The following ACSM3 variants were observed in gnomAD, a reference collection of about 807,000 sequenced individuals.
ACSM3 encodes acyl-CoA synthetase medium chain family member 3.
In ACSM3, 61 loss-of-function variants were observed where a neutral mutation model predicts 74.1. The observed-to-expected ratio is 0.82, with a 90% CI of 0.67 to 1.02. The LOEUF (loss-of-function observed/expected upper bound fraction) is 1.02, where lower values mean the gene tolerates loss of function less well. Among genes scored for constraint, ACSM3 ranks in the 50% least tolerant of loss-of-function variants. The probability of loss-of-function intolerance (pLI) is 0.00; values close to 1 mark genes in which losing one functional copy is unlikely to be tolerated. For synonymous variants in ACSM3, 213 were observed against 241.5 expected (o/e 0.88, Z 1.09); for missense variants, 660 against 697.0 (o/e 0.95, Z 0.60).
chr16:20,793,977 C>T (rs958135860), intron 12 of ACSM3, among the ~76,000 whole-genome samples: 2 of 152,122 alleles, frequency 1.3e-5, no homozygotes, highest in Admixed American at 6.5e-5. Flanking sequence ...CTCACAGCTC[C>T]GGGGGCTTGG....
chr16:20,689,104 G>A (rs948682600), intron 1 of ACSM3, among the ~76,000 whole-genome samples: 33 of 150,974 alleles, frequency 2.2e-4, no homozygotes, highest in Non-Finnish European at 1.5e-5. Context: ...CATAAAGTGT[G>A]GGGAGGGGCT....
intron 1 of ACSM3, among the ~76,000 whole-genome samples, chr16:20,744,211 G>A (rs1288503823): frequency 6.6e-6 from 1 of 152,126 alleles, no homozygotes; most frequent in Non-Finnish European, 1.5e-5. Flanking sequence ...CTTCTTCCAA[G>A]GAAGCCAAAA....
At chr16:20,714,635 G>C (rs1261057687) in intron 1 of ACSM3, among the ~76,000 whole-genome samples, 1 of 152,172 alleles carries the variant, frequency 6.6e-6, no homozygotes, top group East Asian at 1.9e-4. Context: ...AAGGAAGAAA[G>C]AGTCAAGGTT....
At chr16:20,724,049 A>C (rs1293900697) in intron 1 of ACSM3, among the ~76,000 whole-genome samples, 3 of 152,144 alleles carry the variant, frequency 2.0e-5, no homozygotes, top group Non-Finnish European at 4.4e-5. Context: ...TCTCGAATTA[A>C]TTTTTGTATA....
At chr16:20,682,484 G>A (rs763544627) in intron 1 of ACSM3, 2 of 1,600,246 alleles carry the variant, frequency 1.2e-6, no homozygotes, top group South Asian at 1.1e-5. Context: ...GAAAGGAACT[G>A]ATTGTTTTGG....
chr16:20,797,269 A>G lies in ACSM3; in HGVS notation c.*297A>G, dbSNP rs56186329. 4,918 of 1,063,284 alleles carry G rather than the reference A, an allele frequency of 4.6e-3. 13 individuals are homozygous for G. The highest frequency in any genetic ancestry group is 5.1e-3 in the Non-Finnish European group (4,545 of 883,686). 65.9% of individuals were successfully genotyped at this position (1,063,284 alleles called of 1,614,324 possible). On this transcript the variant is annotated 3_prime_UTR_variant, in exon 14 of 14. Transcript: ENST00000289416. ...AGTTTCTGAACCAGATCTCTGCTAC[A>G]TAGGTTTTCAAACTTTAGTTGACTA...
intron 1 of ACSM3, among the ~76,000 whole-genome samples, chr16:20,742,800 T>A (rs2079938833): frequency 1.8e-5 from 1 of 55,206 alleles, no homozygotes; most frequent in East Asian, 3.9e-4. Context: ...TAAATATATA[T>A]ATATATATAT....
chr16:20,749,776 A>G (rs2079975630), intron 1 of ACSM3: 1 of 152,338 alleles, frequency 6.6e-6, no homozygotes, highest in African/African-American at 2.4e-5. Context: ...CAGAGGATGA[A>G]AGTCACACCC....
chr16:20,738,884 G>GT, intron 1 of ACSM3: 1 of 1,613,216 alleles, frequency 6.2e-7, no homozygotes, highest in Non-Finnish European at 8.5e-7. Context: ...ATCTTAGCAA[G>GT]TATTTGTCAC....
intron 1 of ACSM3, among the ~76,000 whole-genome samples, chr16:20,707,625 T>C (rs1567320747): frequency 6.6e-6 from 1 of 152,178 alleles, no homozygotes; most frequent in Non-Finnish European, 1.5e-5. Flanking sequence ...GTGGACTCCA[T>C]TGTGGACCCA....
intron 12 of ACSM3, among the ~76,000 whole-genome samples, chr16:20,793,428 C>G (rs1235035025): frequency 2.0e-5 from 3 of 152,174 alleles, no homozygotes; most frequent in Non-Finnish European, 4.4e-5. Context: ...AAGATCGTGC[C>G]ACTGTGCTCC....
intron 1 of ACSM3, chr16:20,735,521 T>G (rs1178741200): frequency 6.6e-6 from 1 of 151,726 alleles, no homozygotes; most frequent in Non-Finnish European, 1.5e-5. Flanking sequence ...AATGTCAACA[T>G]CAGGATTTCT....
intron 1 of ACSM3, among the ~76,000 whole-genome samples, chr16:20,769,568 C>A (rs1300923176): frequency 6.6e-6 from 1 of 152,220 alleles, no homozygotes. Flanking sequence ...ACTTTGAAAT[C>A]TGCAGGTGAA....
chr16:20,737,331 A>G, intron 1 of ACSM3: 1 of 1,537,098 alleles, frequency 6.5e-7, no homozygotes, highest in Non-Finnish European at 8.7e-7. Flanking sequence ...GGATACCATT[A>G]CATCTGATAG....
At chr16:20,740,919 G>A (rs746540491) in intron 1 of ACSM3, among the ~76,000 whole-genome samples, 1 of 152,318 alleles carries the variant, frequency 6.6e-6, no homozygotes, top group South Asian at 2.1e-4. Flanking sequence ...CATGAAAAAT[G>A]TGTTTCTGAA....
intron 2 of ACSM3, chr16:20,755,481 AAAT>A (rs1164740972): frequency 3.3e-5 from 5 of 152,106 alleles, no homozygotes; most frequent in Non-Finnish European, 5.9e-5. Context: ...AACTAAATGA[AAAT>A]AAATATTAGA....
At chr16:20,741,342 GC>G in intron 1 of ACSM3, among the ~76,000 whole-genome samples, 1 of 152,368 alleles carries the variant, frequency 6.6e-6, no homozygotes, top group Non-Finnish European at 1.5e-5. Context: ...ACCGAAGTCT[GC>G]GAGCGTCTCA....
intron 2 of ACSM3, 53 bp from the exon 3 acceptor site, chr16:20,775,786 G>T: frequency 6.3e-7 from 1 of 1,580,526 alleles, no homozygotes; most frequent in Non-Finnish European, 8.7e-7. Flanking sequence ...AGTTGGCCCA[G>T]AATTTAGCTG....
chr16:20,756,351 T>C (rs956478018), intron 3 of ACSM3, among the ~76,000 whole-genome samples: 1 of 152,028 alleles, frequency 6.6e-6, no homozygotes, highest in African/African-American at 2.4e-5. Flanking sequence ...TGGTATCTCA[T>C]TGTGGTTTTG....
Sources: allele counts gnomAD v4.1 joint callset (sites outside exome capture counted in the v4.1 genomes callset), GRCh38; gene constraint gnomAD v4.1.1; transcripts MANE v1.5; gene names NCBI Gene and HGNC (gene_info 2026-07-23, HGNC 2026-07-21).